ANKS1B: variants seen among roughly 807,000 people sequenced by gnomAD.
The protein encoded by ANKS1B is ankyrin repeat and sterile alpha motif domain containing 1B.
Under a neutral mutation model 148.3 loss-of-function variants are expected in ANKS1B, and 36 were observed. The ratio of observed to expected loss-of-function variants is 0.24; its 90% CI spans 0.19 to 0.32. The LOEUF (loss-of-function observed/expected upper bound fraction) is 0.32. Among genes scored for constraint, ANKS1B ranks in the 10% least tolerant of loss-of-function variants. ANKS1B has a pLI of 1.00. For synonymous variants in ANKS1B, 542 were observed against 560.8 expected, an observed-to-expected ratio of 0.97 and a Z score of 0.47; for missense variants, 1,157 against 1,542.6, an observed-to-expected ratio of 0.75 and a Z score of 4.19.
intron 12 of ANKS1B, among the ~76,000 whole-genome samples, chr12:99,295,109 C>T (rs1445138059): frequency 1.3e-5 from 2 of 152,150 alleles, no homozygotes; most frequent in Non-Finnish European, 2.9e-5. Flanking sequence ...TTGGCTGAGT[C>T]ATGTGGTAGG....
At chr12:98,907,545 C>A (rs1398191060) in intron 17 of ANKS1B, among the ~76,000 whole-genome samples, 3 of 152,188 alleles carry the variant, frequency 2.0e-5, no homozygotes, top group Non-Finnish European at 2.9e-5. Flanking sequence ...CAGTCCTTGA[C>A]CACTCTCTTC....
At chr12:99,071,593 G>A (rs1314310774) in intron 16 of ANKS1B, among the ~76,000 whole-genome samples, 1 of 151,726 alleles carries the variant, frequency 6.6e-6, no homozygotes, top group Non-Finnish European at 1.5e-5. Context: ...GCTTCTAAGA[G>A]ATGCAGACAG....
chr12:98,867,059 A>G (rs2152311382), intron 17 of ANKS1B, among the ~76,000 whole-genome samples: 1 of 152,360 alleles, frequency 6.6e-6, no homozygotes, highest in African/African-American at 2.4e-5. Flanking sequence ...ATGCATAAAT[A>G]GGGAAAAACT....
intron 17 of ANKS1B, among the ~76,000 whole-genome samples, chr12:98,904,353 G>T (rs970560374): frequency 1.3e-5 from 2 of 152,042 alleles, no homozygotes; most frequent in East Asian, 3.9e-4. Context: ...AAAGATGAAG[G>T]TTCTGCTGTT....
At chr12:99,440,962 C>T (rs369513140) in intron 11 of ANKS1B, among the ~76,000 whole-genome samples, 1 of 151,844 alleles carries the variant, frequency 6.6e-6, no homozygotes, top group African/African-American at 2.4e-5. Context: ...AGACTGAACA[C>T]ATCAGCTAAT....
At chr12:99,204,146 T>G (rs2082370777) in intron 14 of ANKS1B, among the ~76,000 whole-genome samples, 1 of 152,202 alleles carries the variant, frequency 6.6e-6, no homozygotes, top group Non-Finnish European at 1.5e-5. Flanking sequence ...TCATAAACAT[T>G]TCAATTCCTA....
Position 99,984,879 on chromosome 12 carries a change from G to A in ANKS1B, c.-642C>T, listed in dbSNP as rs2095754991. ...GCGGCGGCGAGGCCTGGCGCGCGGG[G>A]GGCGTGTGCGCGCGGGCAGGTGCGG... On this transcript the variant is annotated 5_prime_UTR_variant, in exon 1 of 27. Transcript: ENST00000683438. 6.7e-6 allele frequency among the ~76,000 whole-genome samples: 1 copy of A among 148,168 alleles called. No homozygotes were observed. Among genetic ancestry groups the A allele is most frequent in the Non-Finnish European group, 1.5e-5 (1 of 66,656 alleles).
chr12:99,206,967 T>C (rs2082744220), intron 14 of ANKS1B, among the ~76,000 whole-genome samples: 1 of 152,188 alleles, frequency 6.6e-6, no homozygotes, highest in Non-Finnish European at 1.5e-5. Context: ...GCTTCCCACC[T>C]ACATCTTTCT....
intron 17 of ANKS1B, among the ~76,000 whole-genome samples, chr12:99,017,844 G>A (rs770807055): frequency 2.4e-4 from 37 of 152,128 alleles, no homozygotes; most frequent in Non-Finnish European, 8.8e-5. Context: ...AGAGAAACTC[G>A]GGAAGCTGAG....
At chr12:99,323,555 A>G (rs2085724068) in intron 12 of ANKS1B, among the ~76,000 whole-genome samples, 1 of 152,088 alleles carries the variant, frequency 6.6e-6, no homozygotes, top group African/African-American at 2.4e-5. Context: ...TCTTACTTTC[A>G]TGTCTTATTT....
At position 98,828,885 on chromosome 12, in the gene ANKS1B, G is replaced by C. The variant is rs140538443; in HGVS notation, c.3066+289C>G. ...TTATTACTCATTTTCATTATGATTT[G>C]ACTTTGACACTATATTATTCCCTTC... On this transcript the variant is annotated intron_variant, in intron 19 of 26. Transcript: ENST00000683438. Among the ~76,000 whole-genome samples, 1,276 of 152,094 alleles carry C rather than the reference G, an allele frequency of 8.4e-3. 22 individuals carry two copies. Among genetic ancestry groups the C allele is most frequent in the Non-Finnish European group, 8.8e-3 (596 of 67,988 alleles).
At chr12:99,457,278 A>T (rs1376731980) in intron 10 of ANKS1B, among the ~76,000 whole-genome samples, 2 of 152,090 alleles carry the variant, frequency 1.3e-5, no homozygotes, top group Non-Finnish European at 2.9e-5. Context: ...TTAACCTCTA[A>T]ATCTTGAAAC....
intron 14 of ANKS1B, among the ~76,000 whole-genome samples, chr12:99,160,126 T>A (rs2076496784): frequency 6.6e-6 from 1 of 152,184 alleles, no homozygotes; most frequent in Non-Finnish European, 1.5e-5. Context: ...GGATATTAGA[T>A]GTTTGTTGGA....
chr12:99,668,779 CAT>C (rs1274604121), intron 8 of ANKS1B, among the ~76,000 whole-genome samples: 1 of 151,932 alleles, frequency 6.6e-6, no homozygotes, highest in Non-Finnish European at 1.5e-5. Context: ...TCCAATTACA[CAT>C]ATGTTTCATT....
At chr12:99,870,408 C>T (rs143807342) in intron 1 of ANKS1B, among the ~76,000 whole-genome samples, 313 of 152,306 alleles carry the variant, frequency 2.1e-3, no homozygotes, top group African/African-American at 7.4e-3. Flanking sequence ...CATATGATTG[C>T]ATGTTCTTTT....
chr12:99,274,502 C>T (rs1381241115), intron 12 of ANKS1B, among the ~76,000 whole-genome samples: 1 of 152,140 alleles, frequency 6.6e-6, no homozygotes, highest in Non-Finnish European at 1.5e-5. Flanking sequence ...GTCTCCTTTC[C>T]TCCAGCTTCC....
At chr12:99,135,071 G>A (rs916722080) in intron 15 of ANKS1B, among the ~76,000 whole-genome samples, 1 of 152,042 alleles carries the variant, frequency 6.6e-6, no homozygotes, top group South Asian at 2.1e-4. Context: ...ACCTCTAACT[G>A]GTGTTTCTAA....
chr12:99,946,818 C>A (rs899243210), intron 1 of ANKS1B, among the ~76,000 whole-genome samples: 11 of 152,156 alleles, frequency 7.2e-5, no homozygotes, highest in African/African-American at 2.7e-4. Flanking sequence ...ATGGCTAGAC[C>A]ATTCCACAAA....
At chr12:99,314,502 A>G (rs1267459518) in intron 12 of ANKS1B, among the ~76,000 whole-genome samples, 1 of 152,204 alleles carries the variant, frequency 6.6e-6, no homozygotes, top group African/African-American at 2.4e-5. Context: ...TCATCATGCT[A>G]CCTGACTTTG....
Sources: gnomAD v4.1 joint callset for allele counts (sites outside exome capture counted in the v4.1 genomes callset) on GRCh38, gnomAD v4.1.1 for gene constraint, MANE v1.5 for transcripts, NCBI Gene and HGNC (gene_info 2026-07-23, HGNC 2026-07-21) for gene names.